The following CPS1 variants were observed in gnomAD, a reference collection of about 807,000 sequenced individuals.
The protein encoded by CPS1 is carbamoyl-phosphate synthase [ammonia], mitochondrial.
In CPS1, 109 loss-of-function variants were observed where a neutral mutation model predicts 174.6. That is an observed-to-expected ratio of 0.62 (90% CI 0.53 to 0.73). CPS1 has a LOEUF of 0.73. Ranked by LOEUF, CPS1 falls within the 30% of genes least tolerant of loss-of-function variation. CPS1 has a pLI of 0.00. For missense variants in CPS1, 1,689 were observed against 1,821.9 expected, an observed-to-expected ratio of 0.93 and a Z score of 1.33; for synonymous variants, 637 against 632.0, an observed-to-expected ratio of 1.01 and a Z score of -0.12.
chr2:210,679,000 T>C lies in CPS1; in HGVS notation c.*1015T>C, dbSNP rs1701622949. 6.6e-6 allele frequency: 1 copy of C among 152,212 alleles called. No individual in the cohort carries two copies. Among genetic ancestry groups the C allele is most frequent in the African/African-American group, 2.4e-5 (1 of 41,466 alleles). 9.4% of individuals were successfully genotyped at this position (152,212 alleles called of 1,614,324 possible). A position where few individuals can be genotyped will look rare whatever the true frequency, so the allele number is the denominator to read the frequency against. ...GCAAGGACACCATTCCTTCTACATA[T>C]AAGAAAAAAGTCTCTCCCCAAGGGC... On this transcript the variant is annotated 3_prime_UTR_variant, in exon 38 of 38. Transcript: ENST00000233072.
chr2:210,668,951 A>G (rs1395190083), intron 34 of CPS1, among the ~76,000 whole-genome samples: 1 of 152,176 alleles, frequency 6.6e-6, no homozygotes, highest in Non-Finnish European at 1.5e-5. Flanking sequence ...AGTTGAATAC[A>G]TTGATGTTAT....
At position 210,486,982 on chromosome 2, in the gene CPS1, T is replaced by C. The variant is rs530093452; in HGVS notation, c.3+9216T>C. On this transcript the variant is annotated intron_variant, in intron 1 of 38. Coordinates refer to the CPS1 transcript ENST00000430249. ...CAAGCCTAAAAACAGGACCCATGCC[T>C]TTTATTTATTTATTTATTTATTTTT... is the stretch of plus-strand genomic sequence containing the variant. Among the ~76,000 whole-genome samples, 443 of 151,376 alleles carry C rather than the reference T, an allele frequency of 2.9e-3. 2 individuals are homozygous for C. Among genetic ancestry groups the C allele is most frequent in the Non-Finnish European group, 4.6e-3 (310 of 67,854 alleles).
intron 20 of CPS1, among the ~76,000 whole-genome samples, 170 bp downstream of exon 20, chr2:210,612,463 C>A (rs1335191874): frequency 6.6e-6 from 1 of 151,800 alleles, no homozygotes; most frequent in Non-Finnish European, 1.5e-5. Flanking sequence ...TCATTAGAGT[C>A]TTTTACAATT....
chr2:210,495,702 G>A (rs1425742056), intron 1 of CPS1, among the ~76,000 whole-genome samples: 1 of 152,026 alleles, frequency 6.6e-6, no homozygotes, highest in Non-Finnish European at 1.5e-5. Context: ...ATATTCTTTT[G>A]TACACCTGTT....
rs372918204 is a variant in CPS1, at chr2:210,647,832, C to G, written c.3142-31C>G. The stretch of plus-strand genomic sequence containing the variant: ...TTGTCCATTCATAATGAAGTTATTC[C>G]AATGGCTGATATTGTGAGTGTATTT... On this transcript the variant is annotated intron_variant, in intron 25 of 37. Coordinates refer to ENST00000233072, the MANE Select transcript of CPS1 (RefSeq NM_001875.5). 34 of 1,610,472 alleles carry G rather than the reference C, an allele frequency of 2.1e-5. 1 individual carries two copies. In the African/African-American group the frequency reaches 3.1e-4, roughly 15 times the overall value.
At chr2:210,629,159 A>G (rs901591218) in intron 21 of CPS1, among the ~76,000 whole-genome samples, 3 of 152,228 alleles carry the variant, frequency 2.0e-5, no homozygotes, top group African/African-American at 7.2e-5. Flanking sequence ...TACTGAATAC[A>G]TCTTCTTTAT....
chr2:210,543,956 G>A (rs1044013900), intron 1 of CPS1, among the ~76,000 whole-genome samples: 1 of 152,034 alleles, frequency 6.6e-6, no homozygotes, highest in Non-Finnish European at 1.5e-5. Context: ...GGACATGAGA[G>A]GTTTAATCAA....
intron 20 of CPS1, among the ~76,000 whole-genome samples, chr2:210,615,823 C>T (rs1249969437): frequency 6.6e-6 from 1 of 151,890 alleles, no homozygotes; most frequent in Admixed American, 6.6e-5. Context: ...TTAAAAAATG[C>T]CTGCCTTAGC....
At chr2:210,509,559 G>C (rs1488301807) in intron 1 of CPS1, among the ~76,000 whole-genome samples, 2 of 152,084 alleles carry the variant, frequency 1.3e-5, no homozygotes, top group African/African-American at 4.8e-5. Context: ...GGAAATAAAG[G>C]GTATTCAGTT....
chr2:210,608,401 A>C lies in CPS1; in HGVS notation c.2233A>C (p.Ile745Leu). 1 of 1,612,378 alleles carries C rather than the reference A, an allele frequency of 6.2e-7. No homozygotes were observed. Among genetic ancestry groups the C allele is most frequent in the Non-Finnish European group, 8.5e-7 (1 of 1,178,914 alleles). Residue 745 changes from isoleucine to leucine, a missense_variant, in exon 19 of 38, where the codon ATC (isoleucine) becomes CTC (leucine). Transcript: ENST00000233072. The part of the protein sequence containing the change: ...AFIAAKIALG[I>L]PLPEIKNVVS... ...CATTGCTGCAAAGATTGCCCTAGGA[A>C]TCCCACTTCCAGAAATTAAGAACGT... is the stretch of plus-strand genomic sequence containing the variant.
Position 210,677,146 on chromosome 2 carries a change from T to G in CPS1, c.4404+10T>G. 6.2e-7 allele frequency: 1 copy of G among 1,613,110 alleles called. No homozygotes were observed. The highest frequency in any genetic ancestry group is 8.5e-7 in the Non-Finnish European group (1 of 1,179,088). ...CCTCACTAATTTTCAGGTATAGTCT[T>G]TTCCTTGGATATAGACTGGATGGGA... On this transcript the variant is annotated intron_variant, in intron 37 of 37. Transcript: ENST00000233072.
At chr2:210,653,638 A>G (rs932669794) in intron 28 of CPS1, among the ~76,000 whole-genome samples, 1 of 152,306 alleles carries the variant, frequency 6.6e-6, no homozygotes, top group Middle Eastern at 3.4e-3. Flanking sequence ...GTAGAAAGAA[A>G]GAAATATTCT....
intron 1 of CPS1, among the ~76,000 whole-genome samples, chr2:210,504,599 A>T (rs865998371): frequency 1.4e-4 from 22 of 152,154 alleles, no homozygotes; most frequent in Admixed American, 3.9e-4. Context: ...GTACACCTTA[A>T]CTCTGTATCT....
At chr2:210,525,719 A>G (rs1695953818) in intron 1 of CPS1, among the ~76,000 whole-genome samples, 1 of 151,478 alleles carries the variant, frequency 6.6e-6, no homozygotes, top group Non-Finnish European at 1.5e-5. Flanking sequence ...GCAGGAGAGG[A>G]TAGCTGGGCT....
At chr2:210,519,087 G>T (rs958987567) in intron 1 of CPS1, among the ~76,000 whole-genome samples, 2 of 152,126 alleles carry the variant, frequency 1.3e-5, no homozygotes, top group Non-Finnish European at 2.9e-5. Flanking sequence ...ATGAGTTTCT[G>T]TAGAAAATTA....
intron 1 of CPS1, among the ~76,000 whole-genome samples, chr2:210,534,514 T>C (rs1696197789): frequency 6.6e-6 from 1 of 152,238 alleles, no homozygotes; most frequent in Non-Finnish European, 1.5e-5. Context: ...TATGTAGCAT[T>C]GATTGCATGT....
At chr2:210,552,179 G>C (rs1193043283), upstream of CPS1, among the ~76,000 whole-genome samples, 2 of 151,844 alleles carry the variant, frequency 1.3e-5, no homozygotes, top group African/African-American at 4.8e-5. Flanking sequence ...TCTTCAGGGA[G>C]TTATTGCACC....
At chr2:210,634,177 TC>T (rs1441714293) in intron 21 of CPS1, among the ~76,000 whole-genome samples, 1 of 152,156 alleles carries the variant, frequency 6.6e-6, no homozygotes, top group Non-Finnish European at 1.5e-5. Context: ...ACGCCTGTAA[TC>T]CCAGCACTTT....
At chr2:210,615,186 C>T (rs1699266168) in intron 20 of CPS1, among the ~76,000 whole-genome samples, 1 of 151,954 alleles carries the variant, frequency 6.6e-6, no homozygotes, top group Non-Finnish European at 1.5e-5. Context: ...TTAAGGTTCT[C>T]TCCACCTCAC....
Sources: allele counts gnomAD v4.1 joint callset (sites outside exome capture counted in the v4.1 genomes callset), GRCh38; gene constraint gnomAD v4.1.1; transcripts MANE v1.5; gene names NCBI Gene and HGNC (gene_info 2026-07-23, HGNC 2026-07-21).